Variants in TRPM1 observed in about 807,000 individuals in gnomAD.
The protein encoded by TRPM1 is TRPM1-203 APA Isoform, Intron 10.
In TRPM1, 113 loss-of-function variants were observed where a neutral mutation model predicts 149.4. The observed-to-expected ratio is 0.76, with a 90% confidence interval of 0.65 to 0.88. The LOEUF (loss-of-function observed/expected upper bound fraction) is 0.88, where lower values mean the gene tolerates loss of function less well. Among genes scored for constraint, TRPM1 ranks in the 40% least tolerant of loss-of-function variants. The pLI, the probability that TRPM1 is intolerant of heterozygous loss-of-function variation, is 0.00. For missense variants in TRPM1, 1,976 were observed against 2,038.7 expected, an observed-to-expected ratio of 0.97 and a Z score of 0.59; for synonymous variants, 741 against 759.5, an observed-to-expected ratio of 0.98 and a Z score of 0.40.
intron 27 of TRPM1, among the ~76,000 whole-genome samples, chr15:31,016,994 A>C (rs543731309): frequency 0.23 from 34,617 of 150,680 alleles, 4,554 homozygotes; most frequent in Non-Finnish European, 0.3. Flanking sequence ...CACACAAAAA[A>C]AAAACTTGTT....
chr15:31,035,411 G>C, intron 21 of TRPM1, 135 bp downstream of exon 21: 3 of 1,266,838 alleles, frequency 2.4e-6, no homozygotes, highest in Non-Finnish European at 3.4e-6. Context: ...CTCCCAGAGT[G>C]CTGGGATTAC....
chr15:31,053,019 A>G (rs1168843395), intron 11 of TRPM1, among the ~76,000 whole-genome samples: 2 of 152,224 alleles, frequency 1.3e-5, no homozygotes, highest in South Asian at 2.1e-4. Context: ...CATCATGTAT[A>G]TGATAAGGGG....
Position 31,050,560 on chromosome 15 carries a change from G to C in TRPM1, c.1286C>G (p.Pro429Arg). ...CTTCTCCGTGGCTTTGCTGTCCGTC[G>C]GGGGTGCCAGGCTTCCCAGGGGCTG... is the stretch of plus-strand genomic sequence containing the variant. ...HWPPLGSLAPPTDSKATEKEK... is the reference protein window; with the variant it reads ...HWPPLGSLAPRTDSKATEKEK... The change falls in exon 12 of 28, where the codon CCG becomes CGG. Residue 429 changes from proline to arginine, a missense_variant. Pro to Arg is a moderately radical substitution (Grantham distance 103). Around this residue, in one of 3 missense-constraint regions of TRPM1, gnomAD observed 1,332 missense variants for 1,347.1 expected, o/e 0.99. Coordinates refer to ENST00000256552, the MANE Select transcript of TRPM1 (RefSeq NM_001252024.2). 6.2e-7 allele frequency: 1 copy of C among 1,613,620 alleles called. No homozygotes were observed.
chr15:31,104,882 CCA>C (rs1326019217), upstream of TRPM1, among the ~76,000 whole-genome samples: 2 of 151,994 alleles, frequency 1.3e-5, no homozygotes, highest in Non-Finnish European at 2.9e-5. Context: ...GTGTGAGCCA[CCA>C]TGCCCAGCTG....
intron 14 of TRPM1, 98 bp downstream of exon 14, chr15:31,047,791 C>A: frequency 1.0e-6 from 1 of 984,474 alleles, no homozygotes. Flanking sequence ...TCTCCTGTGC[C>A]TGGAATAATA....
chr15:31,128,133 G>A (rs1445188016), intron 1 of TRPM1, among the ~76,000 whole-genome samples: 1 of 152,154 alleles, frequency 6.6e-6, no homozygotes, highest in Non-Finnish European at 1.5e-5. Flanking sequence ...ACAGCACACA[G>A]GGTAAGGGCT....
chr15:31,069,550 A>T (rs1392869396), intron 4 of TRPM1: 2 of 1,171,856 alleles, frequency 1.7e-6, no homozygotes, highest in Non-Finnish European at 2.1e-6. Context: ...GGCTCACTGG[A>T]AGGGCAGAGG....
At chr15:31,044,984 T>C (rs2033723441) in intron 16 of TRPM1, among the ~76,000 whole-genome samples, 1 of 152,132 alleles carries the variant, frequency 6.6e-6, no homozygotes, top group Non-Finnish European at 1.5e-5. Context: ...ATATTTATAA[T>C]GGCTATTATG....
intron 27 of TRPM1, among the ~76,000 whole-genome samples, chr15:31,021,757 A>C (rs2032559693): frequency 6.6e-6 from 1 of 152,082 alleles, no homozygotes; most frequent in South Asian, 2.1e-4. Context: ...AAATCTGACA[A>C]GAAACCACTT....
At chr15:31,023,105 C>G (rs1400919603) in intron 27 of TRPM1, among the ~76,000 whole-genome samples, 1 of 152,220 alleles carries the variant, frequency 6.6e-6, no homozygotes, top group African/African-American at 2.4e-5. Flanking sequence ...GTGGACCAAA[C>G]CCAGACATGG....
At chr15:31,035,170 A>G (rs2033298803) in intron 21 of TRPM1, among the ~76,000 whole-genome samples, 1 of 152,098 alleles carries the variant, frequency 6.6e-6, no homozygotes, top group Admixed American at 6.5e-5. Context: ...CGACCGGCTA[A>G]TTTTTGTATT....
chr15:31,067,694 G>GTT (rs140490164), intron 5 of TRPM1, among the ~76,000 whole-genome samples, 185 bp downstream of exon 5: 1 of 151,398 alleles, frequency 6.6e-6, no homozygotes, highest in African/African-American at 2.4e-5. Context: ...TATATTTGCT[G>GTT]TTTTTTTTTA....
chr15:31,140,767 T>A (rs1399251954), intron 1 of TRPM1, among the ~76,000 whole-genome samples: 2 of 152,206 alleles, frequency 1.3e-5, no homozygotes, highest in African/African-American at 4.8e-5. Flanking sequence ...CTCAGCCTCA[T>A]ATATTCCTTT....
chr15:31,057,201 C>T (rs1027118157), intron 11 of TRPM1, among the ~76,000 whole-genome samples: 1 of 152,152 alleles, frequency 6.6e-6, no homozygotes, highest in Non-Finnish European at 1.5e-5. Flanking sequence ...ATAGATATGG[C>T]TGCAGCCATA....
chr15:31,103,259 C>A (rs556521607), upstream of TRPM1, among the ~76,000 whole-genome samples: 1 of 152,200 alleles, frequency 6.6e-6, no homozygotes, highest in Non-Finnish European at 1.5e-5. Context: ...AGAGAACACC[C>A]CTCCTCCCCA....
At chr15:31,091,670 G>A (rs1252943663) in intron 1 of TRPM1, among the ~76,000 whole-genome samples, 1 of 152,122 alleles carries the variant, frequency 6.6e-6, no homozygotes, top group Non-Finnish European at 1.5e-5. Flanking sequence ...CCCCCAAAGA[G>A]GTTCACATGT....
At chr15:31,121,836 A>C (rs1477362879) in intron 1 of TRPM1, among the ~76,000 whole-genome samples, 1 of 152,156 alleles carries the variant, frequency 6.6e-6, no homozygotes, top group Non-Finnish European at 1.5e-5. Context: ...CATTTCCCTA[A>C]TATCAAAACC....
At chr15:31,097,783 C>G (rs992332883) in intron 1 of TRPM1, among the ~76,000 whole-genome samples, 20 of 152,124 alleles carry the variant, frequency 1.3e-4, no homozygotes, top group African/African-American at 4.8e-4. Flanking sequence ...CATGGTAGAC[C>G]CTGGCTACCT....
At chr15:31,090,295 C>T (rs1567048229) in intron 1 of TRPM1, among the ~76,000 whole-genome samples, 1 of 152,080 alleles carries the variant, frequency 6.6e-6, no homozygotes, top group Non-Finnish European at 1.5e-5. Flanking sequence ...TGGCTGTCCC[C>T]GGGATTCTTG....
Sources: allele counts gnomAD v4.1 joint callset (sites outside exome capture counted in the v4.1 genomes callset), GRCh38; gene constraint gnomAD v4.1.1; regional missense constraint gnomAD v4.1.1; transcripts MANE v1.5; gene names NCBI Gene and HGNC (gene_info 2026-07-23, HGNC 2026-07-21).